Variants in FRAS1 observed in about 807,000 individuals in gnomAD.
The protein encoded by FRAS1 is Fraser extracellular matrix complex subunit 1.
FRAS1 carries 290 observed loss-of-function variants against 435.2 expected under a neutral mutation model. The ratio of observed to expected loss-of-function variants is 0.67; its 90% CI spans 0.61 to 0.73. The LOEUF is 0.73. FRAS1 is among the 30% of genes least tolerant of loss of function. The pLI is 0.00. For missense variants in FRAS1, 4,860 were observed against 5,001.5 expected (o/e 0.97, Z 0.85); for synonymous variants, 1,800 against 1,851.0 (o/e 0.97, Z 0.71).
intron 15 of FRAS1, among the ~76,000 whole-genome samples, chr4:78,312,509 G>A (rs1382227879): frequency 6.6e-6 from 1 of 151,774 alleles, no homozygotes; most frequent in Admixed American, 6.6e-5. Flanking sequence ...AAGCTTTAGA[G>A]CACATTTACT....
Position 78,236,321 on chromosome 4 carries a change from GA to G in FRAS1, c.109-1188del, listed in dbSNP as rs1456946038. ...ATTTATTTATTTATTTTTTGGCTTT[GA>G]GGTTTTTTTAAAATTTTTTATTTCA... On this transcript the variant is annotated intron_variant, in intron 2 of 73. Coordinates refer to ENST00000512123, the MANE Select transcript of FRAS1 (RefSeq NM_025074.7). Among the ~76,000 whole-genome samples, 3 of 148,310 alleles carry G rather than the reference GA, an allele frequency of 2.0e-5. No individual in the cohort carries two copies. In the East Asian group the frequency reaches 6.0e-4, roughly 30 times the overall value.
chr4:78,094,825 C>T (rs1245404149), intron 2 of FRAS1, among the ~76,000 whole-genome samples: 5 of 152,142 alleles, frequency 3.3e-5, no homozygotes, highest in Non-Finnish European at 7.4e-5. Context: ...TATTTAGTAG[C>T]TGTTGGACCT....
intron 9 of FRAS1, 107 bp downstream of exon 9, chr4:78,267,539 T>C: frequency 2.0e-6 from 2 of 1,006,572 alleles, no homozygotes; most frequent in Non-Finnish European, 2.9e-6. Context: ...GATGTCCACA[T>C]TGACTTCTCA....
chr4:78,465,538 G>A (rs1421963559), intron 49 of FRAS1, among the ~76,000 whole-genome samples: 1 of 152,188 alleles, frequency 6.6e-6, no homozygotes, highest in East Asian at 1.9e-4. Context: ...CTTCAGACAG[G>A]GGAGCCAGAA....
chr4:78,201,576 G>T (rs1323706978), intron 2 of FRAS1, among the ~76,000 whole-genome samples: 1 of 152,162 alleles, frequency 6.6e-6, no homozygotes, highest in Non-Finnish European at 1.5e-5. Context: ...TAAGGGCTCT[G>T]AGCTCTCACC....
In FRAS1 at chr4:78,479,590, C is replaced by T. The variant is rs1216777488; in HGVS notation, c.8315C>T (p.Ala2772Val). 6.2e-7 allele frequency: 1 copy of T among 1,613,934 alleles called. No individual in the cohort carries two copies. Among genetic ancestry groups the T allele is most frequent in the South Asian group, 1.1e-5 (1 of 91,070 alleles). Residue 2772 changes from alanine (A) to valine (V), a missense_variant, in exon 56 of 74, where the codon GCC becomes GTC. Coordinates refer to ENST00000512123, the MANE Select transcript of FRAS1 (RefSeq NM_025074.7). The stretch of plus-strand genomic sequence containing the variant: ...GAAGAGGAAGAAGAGTTTGAGATTG[C>T]CTTGGCAGATGCCTCTGACAATGCC... ...EYEEEEEFEI[A>V]LADASDNARI...
At chr4:78,062,896 C>G (rs1296061686) in intron 1 of FRAS1, among the ~76,000 whole-genome samples, 1 of 152,124 alleles carries the variant, frequency 6.6e-6, no homozygotes, top group East Asian at 1.9e-4. Context: ...CTTAAATTAC[C>G]TGGCATCTCA....
chr4:78,104,712 T>A (rs577857972), intron 2 of FRAS1, among the ~76,000 whole-genome samples: 3 of 152,208 alleles, frequency 2.0e-5, no homozygotes, highest in Non-Finnish European at 2.9e-5. Flanking sequence ...AAATGAGACA[T>A]GAAATGCTTG....
chr4:78,203,488 T>A (rs536562265), intron 2 of FRAS1, among the ~76,000 whole-genome samples: 1 of 152,358 alleles, frequency 6.6e-6, no homozygotes, highest in East Asian at 1.9e-4. Flanking sequence ...AAACACTCGT[T>A]CTCAATTGAG....
intron 70 of FRAS1, 78 bp downstream of exon 70, chr4:78,526,735 A>G (rs1376143485): frequency 5.6e-6 from 5 of 895,344 alleles, no homozygotes; most frequent in African/African-American, 5.3e-5. Context: ...ATTTATTTGT[A>G]ACCCCCAAAT....
chr4:78,408,615 C>T (rs1354225743), intron 31 of FRAS1, among the ~76,000 whole-genome samples: 1 of 152,188 alleles, frequency 6.6e-6, no homozygotes, highest in Non-Finnish European at 1.5e-5. Flanking sequence ...AGCTACACAA[C>T]TTTGGGCAAA....
intron 2 of FRAS1, among the ~76,000 whole-genome samples, chr4:78,183,368 C>T (rs960321123): frequency 1.3e-5 from 2 of 152,114 alleles, no homozygotes; most frequent in Non-Finnish European, 2.9e-5. Flanking sequence ...TAACAGTCAC[C>T]AGGTGAGGCA....
chr4:78,181,108 T>C (rs547954412), intron 2 of FRAS1: 1 of 1,567,830 alleles, frequency 6.4e-7, no homozygotes, highest in African/African-American at 1.4e-5. Flanking sequence ...TCTTCACTCT[T>C]TGATTTATGA....
At chr4:78,118,321 G>A (rs909353832) in intron 2 of FRAS1, among the ~76,000 whole-genome samples, 3 of 152,132 alleles carry the variant, frequency 2.0e-5, no homozygotes, top group Non-Finnish European at 2.9e-5. Flanking sequence ...CAGATGTCCA[G>A]CTGCGTGCTG....
chr4:78,267,461 A>G, intron 9 of FRAS1, 29 bp downstream of exon 9: 2 of 1,601,482 alleles, frequency 1.2e-6, no homozygotes, highest in Non-Finnish European at 1.7e-6. Flanking sequence ...TCCATTTGGA[A>G]CGTTGCAGCT....
chr4:78,504,098 T>G (rs1291960779), intron 61 of FRAS1, among the ~76,000 whole-genome samples: 2 of 152,236 alleles, frequency 1.3e-5, no homozygotes, highest in African/African-American at 2.4e-5. Flanking sequence ...TTGTGATTTC[T>G]GTTCTTTTCC....
At chr4:78,128,969 A>T (rs1488944578) in intron 2 of FRAS1, among the ~76,000 whole-genome samples, 1 of 152,214 alleles carries the variant, frequency 6.6e-6, no homozygotes, top group Admixed American at 6.5e-5. Context: ...AACTTTCTCC[A>T]TATGGCTAGC....
At position 78,466,402 on chromosome 4, in the gene FRAS1, C is replaced by A; in HGVS notation, c.7224C>A (p.Asn2408Lys). The change falls in exon 50 of 74, where the codon AAC (asparagine) becomes AAA (lysine). Residue 2408 changes from asparagine (N) to lysine (K), a missense_variant. Transcript: ENST00000512123. The stretch of plus-strand genomic sequence containing the variant: ...CCTTCACTGTTTCTGATGGGACAAA[C>A]CCCTTCTTTATCATTGAGGAAGGGG... ...RFTFTVSDGT[N>K]PFFIIEEGGK... The A allele has an allele frequency of 1.2e-6, 2 of 1,613,848 alleles. No homozygotes were observed. The highest frequency in any genetic ancestry group is 1.7e-6 in the Non-Finnish European group (2 of 1,179,814).
intron 9 of FRAS1, among the ~76,000 whole-genome samples, chr4:78,274,184 GTCTA>G (rs938796964): frequency 1.8e-4 from 27 of 151,942 alleles, no homozygotes; most frequent in Admixed American, 3.3e-4. Context: ...TTTTTATTGC[GTCTA>G]TCTGATTCTT....
Sources: allele counts gnomAD v4.1 joint callset (sites outside exome capture counted in the v4.1 genomes callset), GRCh38; gene constraint gnomAD v4.1.1; transcripts MANE v1.5; gene names NCBI Gene and HGNC (gene_info 2026-07-23, HGNC 2026-07-21).